The following LNP1 variants were observed in gnomAD, a reference collection of about 807,000 sequenced individuals.
LNP1 encodes leukemia NUP98 fusion partner 1.
Under a neutral mutation model 14.5 loss-of-function variants are expected in LNP1, and 12 were observed. The ratio of observed to expected loss-of-function variants is 0.83; its 90% CI spans 0.53 to 1.34. The LOEUF is 1.34. Ranked by LOEUF, LNP1 falls within the 40% of genes most tolerant of loss-of-function variation. LNP1 has a pLI of 0.00. For missense variants in LNP1, 198 were observed against 210.9 expected, an observed-to-expected ratio of 0.94 and a Z score of 0.38; for synonymous variants, 75 against 71.4, an observed-to-expected ratio of 1.05 and a Z score of -0.26.
chr3:100,422,714 T>C (rs1308131710), intron 1 of LNP1, among the ~76,000 whole-genome samples: 3 of 151,986 alleles, frequency 2.0e-5, no homozygotes, highest in Non-Finnish European at 4.4e-5. Flanking sequence ...CTGAAGAATT[T>C]AATGATGCTT....
intron 1 of LNP1, among the ~76,000 whole-genome samples, chr3:100,412,280 A>G (rs1299556809): frequency 6.6e-6 from 1 of 152,182 alleles, no homozygotes; most frequent in Non-Finnish European, 1.5e-5. Context: ...TCTAGAGAGC[A>G]AGAACTCACT....
chr3:100,456,010 T>C lies in LNP1; in HGVS notation c.*84T>C. 2.7e-6 allele frequency: 4 copies of C among 1,464,120 alleles called. No homozygotes were observed. The allele number at this position is 1,464,120 out of a possible 1,614,324, so 90.7% of individuals were successfully genotyped here. On this transcript the variant is annotated 3_prime_UTR_variant, in exon 4 of 4. Transcript: ENST00000383693. ...CCAATTCACCATTTCAGGATGTGGATGGGGGCGGGGTTGGGGGTAAAAACA... is the reference window on the plus strand; with the variant it reads ...CCAATTCACCATTTCAGGATGTGGACGGGGGCGGGGTTGGGGGTAAAAACA...
chr3:100,446,283 C>A (rs926373060), intron 2 of LNP1, among the ~76,000 whole-genome samples: 10 of 151,700 alleles, frequency 6.6e-5, no homozygotes, highest in African/African-American at 2.4e-4. Flanking sequence ...CAGAGGCCTC[C>A]GAAATAACAC....
At chr3:100,455,084 C>G (rs141882734) in intron 3 of LNP1, among the ~76,000 whole-genome samples, 93 of 152,276 alleles carry the variant, frequency 6.1e-4, no homozygotes, top group African/African-American at 2.1e-3. Context: ...TCCAGTAGGT[C>G]CCTATCACTC....
chr3:100,425,584 T>C (rs1258813792), intron 1 of LNP1, among the ~76,000 whole-genome samples: 1 of 152,228 alleles, frequency 6.6e-6, no homozygotes, highest in African/African-American at 2.4e-5. Context: ...TTTGCTATTA[T>C]GCAATAGTGT....
At position 100,455,943 on chromosome 3, in the gene LNP1, C is replaced by T. The variant is rs530960037; in HGVS notation, c.*17C>T. 26 of 1,596,388 alleles carry T rather than the reference C, an allele frequency of 1.6e-5. No homozygotes were observed. Among genetic ancestry groups the T allele is most frequent in the Non-Finnish European group, 2.1e-5 (25 of 1,174,626 alleles). On this transcript the variant is annotated 3_prime_UTR_variant, in exon 4 of 4. Transcript: ENST00000383693. The stretch of plus-strand genomic sequence containing the variant: ...CCTGAATAATACTCTGCTTCTGCCT[C>T]ATGACATCAGATGCTACTGTTTTGG...
intron 2 of LNP1, among the ~76,000 whole-genome samples, chr3:100,439,411 C>T (rs1707323598): frequency 6.6e-6 from 1 of 152,116 alleles, no homozygotes; most frequent in African/African-American, 2.4e-5. Flanking sequence ...CATTCCAGCT[C>T]TCTTGGTTCC....
At chr3:100,442,431 T>C (rs1423692917) in intron 2 of LNP1, among the ~76,000 whole-genome samples, 8 of 152,274 alleles carry the variant, frequency 5.3e-5, no homozygotes, top group Middle Eastern at 6.8e-3. Flanking sequence ...AGTTTGGTTT[T>C]ATACATTCTA....
intron 1 of LNP1, among the ~76,000 whole-genome samples, chr3:100,425,680 T>C (rs1347881578): frequency 6.6e-6 from 1 of 152,058 alleles, no homozygotes; most frequent in Non-Finnish European, 1.5e-5. Context: ...GTAGAAAGGG[T>C]TGGGTGTAAG....
At chr3:100,427,092 G>A (rs1707199763) in intron 1 of LNP1, among the ~76,000 whole-genome samples, 1 of 151,928 alleles carries the variant, frequency 6.6e-6, no homozygotes. Context: ...ATGAGGCGAT[G>A]GGGTATTATT....
intron 1 of LNP1, 102 bp from the exon 2 acceptor site, chr3:100,429,595 C>T (rs1222763867): frequency 1.9e-5 from 14 of 740,260 alleles, no homozygotes; most frequent in African/African-American, 5.3e-5. Context: ...ATGCCAGTAT[C>T]GGAGACCATT....
chr3:100,430,008 T>C, intron 2 of LNP1, 123 bp downstream of exon 2: 1 of 939,510 alleles, frequency 1.1e-6, no homozygotes, highest in Non-Finnish European at 1.6e-6. Context: ...TACTTCTGAG[T>C]CTTTCTCATA....
intron 3 of LNP1, among the ~76,000 whole-genome samples, chr3:100,454,267 TAAC>T (rs1469835032): frequency 1.3e-5 from 2 of 152,182 alleles, no homozygotes; most frequent in African/African-American, 4.8e-5. Flanking sequence ...CATTAGATAA[TAAC>T]TAATTATAAA....
Position 100,402,439 on chromosome 3 carries a change from T to G in LNP1, c.-34T>G, listed in dbSNP as rs1706920345. 6.6e-6 allele frequency: 1 copy of G among 152,232 alleles called. No homozygotes were observed. Among genetic ancestry groups the G allele is most frequent in the African/African-American group, 2.4e-5 (1 of 41,456 alleles). 9.4% of individuals were successfully genotyped at this position (152,232 alleles called of 1,614,324 possible). On this transcript the variant is annotated splice_region_variant and 5_prime_UTR_variant, in exon 1 of 4. An upstream start codon of the reference 5' UTR is lost. Coordinates refer to ENST00000383693, the MANE Select transcript of LNP1 (RefSeq NM_001085451.2). ...AGGATCACCGGTTTCTCCTGCTTCA[T>G]GTAAGTTCCTATTAGTAAATTGCCT...
At chr3:100,455,489 T>C (rs1013709146) in intron 3 of LNP1, among the ~76,000 whole-genome samples, 2 of 152,248 alleles carry the variant, frequency 1.3e-5, no homozygotes, top group Admixed American at 6.5e-5. Context: ...AATTTCATTG[T>C]GCCATGAAAT....
chr3:100,434,418 G>A (rs566223079), intron 2 of LNP1, among the ~76,000 whole-genome samples: 6 of 152,226 alleles, frequency 3.9e-5, no homozygotes, highest in African/African-American at 1.4e-4. Context: ...CTGTTCCACT[G>A]GTCTATGTCT....
chr3:100,402,220 G>A lies in LNP1; in HGVS notation c.-253G>A, dbSNP rs1331637771. ...GACAACTATTAATAGAAAAATCAGA[G>A]TCCAGAACTATGGTTCTCCATTTCT... On this transcript the variant is annotated 5_prime_UTR_variant, in exon 1 of 4. Coordinates refer to ENST00000383693, the MANE Select transcript of LNP1 (RefSeq NM_001085451.2). The A allele has an allele frequency of 6.6e-6, 1 of 152,216 alleles. No individual in the cohort carries two copies. The highest frequency in any genetic ancestry group is 1.5e-5 in the Non-Finnish European group (1 of 68,046). The allele number at this position is 152,216 out of a possible 1,614,324, so 9.4% of individuals were successfully genotyped here.
intron 2 of LNP1, among the ~76,000 whole-genome samples, chr3:100,440,563 ATTG>A (rs1707335413): frequency 6.6e-6 from 1 of 152,172 alleles, no homozygotes; most frequent in Non-Finnish European, 1.5e-5. Context: ...AGGTAAAAAT[ATTG>A]TTATTTTATT....
At chr3:100,442,535 T>C (rs1707354035) in intron 2 of LNP1, among the ~76,000 whole-genome samples, 2 of 152,118 alleles carry the variant, frequency 1.3e-5, no homozygotes, top group Non-Finnish European at 2.9e-5. Flanking sequence ...AGACTCAAAG[T>C]GGGGAGGGGG....
Sources: gnomAD v4.1 joint callset for allele counts (sites outside exome capture counted in the v4.1 genomes callset) on GRCh38, gnomAD v4.1.1 for gene constraint, MANE v1.5 for transcripts, NCBI Gene and HGNC (gene_info 2026-07-23, HGNC 2026-07-21) for gene names.